Variants in TMEM178B observed in about 807,000 individuals in gnomAD.
TMEM178B encodes transmembrane protein 178B.
Under a neutral mutation model 31.0 loss-of-function variants are expected in TMEM178B, and 5 were observed. That is an observed-to-expected ratio of 0.16 (90% CI 0.08 to 0.34). The LOEUF (loss-of-function observed/expected upper bound fraction) is 0.34. Among genes scored for constraint, TMEM178B ranks in the 10% least tolerant of loss-of-function variants. The pLI is 1.00. For synonymous variants in TMEM178B, 164 were observed against 164.0 expected (o/e 1.00, Z 0.00); for missense variants, 275 against 400.3 (o/e 0.69, Z 2.67).
chr7:141,207,340 G>A (rs562083010), intron 1 of TMEM178B, among the ~76,000 whole-genome samples: 10 of 152,292 alleles, frequency 6.6e-5, no homozygotes, highest in South Asian at 2.1e-4. Context: ...TGGATCATTC[G>A]TAATTTTTTG....
At chr7:141,174,369 G>A (rs1238159897) in intron 1 of TMEM178B, among the ~76,000 whole-genome samples, 1 of 152,146 alleles carries the variant, frequency 6.6e-6, no homozygotes, top group Non-Finnish European at 1.5e-5. Context: ...TCATTGATGG[G>A]CATTTGGGTT....
At chr7:141,402,571 A>C (rs991184724) in intron 2 of TMEM178B, among the ~76,000 whole-genome samples, 1 of 152,232 alleles carries the variant, frequency 6.6e-6, no homozygotes, top group African/African-American at 2.4e-5. Context: ...CCAGGCAAAG[A>C]CACAGCTGAG....
At chr7:141,284,951 A>G (rs543084453) in intron 2 of TMEM178B, among the ~76,000 whole-genome samples, 30 of 152,110 alleles carry the variant, frequency 2.0e-4, no homozygotes, top group Middle Eastern at 6.8e-3. Context: ...ATCAAGAAGA[A>G]TGGATCAATT....
intron 3 of TMEM178B, among the ~76,000 whole-genome samples, chr7:141,459,268 A>G (rs1802020905): frequency 6.6e-6 from 1 of 152,118 alleles, no homozygotes; most frequent in Non-Finnish European, 1.5e-5. Flanking sequence ...ACTTCAGGTG[A>G]TCCACCGCCT....
chr7:141,418,466 C>T (rs560216195), intron 2 of TMEM178B, among the ~76,000 whole-genome samples: 2 of 152,316 alleles, frequency 1.3e-5, no homozygotes, highest in African/African-American at 4.8e-5. Flanking sequence ...ACACAATCAG[C>T]ACTCAGCAAA....
chr7:141,268,642 C>T (rs1798131991), intron 2 of TMEM178B, among the ~76,000 whole-genome samples: 1 of 152,224 alleles, frequency 6.6e-6, no homozygotes, highest in African/African-American at 2.4e-5. Flanking sequence ...CAGACAAGAA[C>T]AGAGCTTTCA....
At chr7:141,446,549 C>T (rs1397237859) in intron 3 of TMEM178B, among the ~76,000 whole-genome samples, 1 of 152,204 alleles carries the variant, frequency 6.6e-6, no homozygotes, top group Admixed American at 6.5e-5. Context: ...TGCACATGAG[C>T]TGTCTTCCAT....
At chr7:141,343,903 G>A (rs1471660203) in intron 2 of TMEM178B, among the ~76,000 whole-genome samples, 1 of 152,114 alleles carries the variant, frequency 6.6e-6, no homozygotes, top group Non-Finnish European at 1.5e-5. Flanking sequence ...GAACTGTGGG[G>A]CTGGCTGCCC....
chr7:141,268,050 C>T (rs753675029), intron 2 of TMEM178B, among the ~76,000 whole-genome samples: 1 of 152,232 alleles, frequency 6.6e-6, no homozygotes, highest in Non-Finnish European at 1.5e-5. Flanking sequence ...TGAGCCCATG[C>T]AAGCATTCTA....
rs796998114 is a variant in TMEM178B at position 141,349,878 on chromosome 7, C to T, written c.497-87730C>T. 2.5e-4 allele frequency among the ~76,000 whole-genome samples: 38 copies of T among 152,258 alleles called. 1 individual carries two copies. Among genetic ancestry groups the T allele is most frequent in the African/African-American group, 8.9e-4 (37 of 41,544 alleles). ...TAAGCCTCATGGAGAAGGCAGCCCC[C>T]TCGTTGTTTATTTACTGAGTTCTCA... On this transcript the variant is annotated intron_variant, in intron 2 of 3. Coordinates refer to ENST00000565468, the MANE Select transcript of TMEM178B (RefSeq NM_001195278.2).
At chr7:141,428,580 C>T (rs989310747) in intron 2 of TMEM178B, among the ~76,000 whole-genome samples, 2 of 152,052 alleles carry the variant, frequency 1.3e-5, no homozygotes, top group Non-Finnish European at 2.9e-5. Flanking sequence ...AGGATGTGCA[C>T]AACTTTAGTA....
At chr7:141,229,426 C>T (rs1283327032) in intron 2 of TMEM178B, among the ~76,000 whole-genome samples, 2 of 152,100 alleles carry the variant, frequency 1.3e-5, no homozygotes, top group Non-Finnish European at 2.9e-5. Flanking sequence ...CCTACCCCAT[C>T]CCCAGTTCCA....
rs181083778 is a variant in TMEM178B, at chr7:141,077,716, T to A, written c.382+3024T>A. Among the ~76,000 whole-genome samples the A allele has an allele frequency of 4.1e-4, 63 of 152,324 alleles. No individual in the cohort carries two copies. The East Asian group carries it at 5.0e-3, about 12-fold the overall frequency. On this transcript the variant is annotated intron_variant, in intron 1 of 3. Coordinates refer to ENST00000565468, the MANE Select transcript of TMEM178B (RefSeq NM_001195278.2). ...TGGGAAATATTTCATACAAATTAGGTTCACAGAAATGTATCCATCCAAGCT... is the reference window on the plus strand; with the variant it reads ...TGGGAAATATTTCATACAAATTAGGATCACAGAAATGTATCCATCCAAGCT...
chr7:141,483,605 G>A (rs1802512429), downstream of TMEM178B, among the ~76,000 whole-genome samples: 1 of 152,144 alleles, frequency 6.6e-6, no homozygotes, highest in Non-Finnish European at 1.5e-5. Context: ...TACCACTTTA[G>A]AAAATGGAAG....
At chr7:141,111,307 C>T (rs1563090688) in intron 1 of TMEM178B, among the ~76,000 whole-genome samples, 1 of 151,968 alleles carries the variant, frequency 6.6e-6, no homozygotes, top group African/African-American at 2.4e-5. Flanking sequence ...GGAAAAACCA[C>T]CCCCCCAAGA....
At chr7:141,280,203 T>TA (rs1423317268) in intron 2 of TMEM178B, among the ~76,000 whole-genome samples, 1 of 149,594 alleles carries the variant, frequency 6.7e-6, no homozygotes, top group African/African-American at 2.4e-5. Flanking sequence ...TAAAGCATGA[T>TA]TTTTTTTTTT....
intron 1 of TMEM178B, among the ~76,000 whole-genome samples, chr7:141,189,791 T>C (rs1796668233): frequency 6.6e-6 from 1 of 152,184 alleles, no homozygotes; most frequent in South Asian, 2.1e-4. Flanking sequence ...GTGGCCAAAG[T>C]TGTGGGGAGA....
chr7:141,083,881 GA>G (rs940700614), intron 1 of TMEM178B, among the ~76,000 whole-genome samples: 11 of 52,278 alleles, frequency 2.1e-4, no homozygotes, highest in African/African-American at 1.0e-3. Flanking sequence ...TCATTCAGCA[GA>G]ATTTTTTTTT....
At chr7:141,180,036 TAA>T (rs974087371) in intron 1 of TMEM178B, among the ~76,000 whole-genome samples, 20 of 152,152 alleles carry the variant, frequency 1.3e-4, no homozygotes, top group Admixed American at 6.6e-5. Flanking sequence ...GCAATTTAAT[TAA>T]ACCAACTTAA....
Sources: gnomAD v4.1 joint callset for allele counts (sites outside exome capture counted in the v4.1 genomes callset) on GRCh38, gnomAD v4.1.1 for gene constraint, MANE v1.5 for transcripts, NCBI Gene and HGNC (gene_info 2026-07-23, HGNC 2026-07-21) for gene names.